Variants in ENTPD5 observed in about 807,000 individuals in gnomAD.
ENTPD5 encodes ectonucleoside triphosphate diphosphohydrolase 5 (inactive), also known as nucleoside diphosphate phosphatase ENTPD5.
A neutral mutation model predicts 60.2 loss-of-function variants in ENTPD5; 49 were observed. The observed-to-expected ratio is 0.81, with a 90% CI of 0.65 to 1.03. The LOEUF (loss-of-function observed/expected upper bound fraction) is 1.03. Ranked by LOEUF, ENTPD5 falls within the 50% of genes least tolerant of loss-of-function variation. ENTPD5 has a pLI of 0.00. For missense variants in ENTPD5, 480 were observed against 507.6 expected (o/e 0.95, Z 0.52); for synonymous variants, 187 against 185.4 (o/e 1.01, Z -0.07).
intron 15 of ENTPD5, among the ~76,000 whole-genome samples, chr14:73,967,530 G>A (rs1001262774): frequency 1.3e-5 from 2 of 152,184 alleles, no homozygotes; most frequent in African/African-American, 4.8e-5. Context: ...CATGGGGCCA[G>A]GCGCAGTGGC....
At chr14:73,955,983 T>C (rs755446823), downstream of ENTPD5, 13 of 1,609,628 alleles carry the variant, frequency 8.1e-6, 1 homozygote, top group Admixed American at 5.0e-5. Context: ...GCTTAGGACT[T>C]ACTGGAAGAA....
chr14:74,006,583 CT>C (rs753313229), intron 3 of ENTPD5, among the ~76,000 whole-genome samples: 653 of 140,726 alleles, frequency 4.6e-3, no homozygotes, highest in Middle Eastern at 7.4e-3. Flanking sequence ...ACACCCGGCC[CT>C]TTTTTTTTTT....
chr14:73,976,764 G>A (rs781129765), intron 8 of ENTPD5, among the ~76,000 whole-genome samples: 6 of 152,054 alleles, frequency 3.9e-5, no homozygotes, highest in Non-Finnish European at 8.8e-5. Context: ...ACACCACCAT[G>A]CCCAGCTATT....
intron 11 of ENTPD5, among the ~76,000 whole-genome samples, chr14:73,974,307 A>C (rs945915904): frequency 2.6e-5 from 4 of 152,212 alleles, no homozygotes; most frequent in Non-Finnish European, 5.9e-5. Flanking sequence ...ACAGGAAAGA[A>C]ATGCTATGCT....
chr14:73,982,492 C>A (rs1203651489), intron 6 of ENTPD5, among the ~76,000 whole-genome samples: 1 of 152,128 alleles, frequency 6.6e-6, no homozygotes, highest in African/African-American at 2.4e-5. Flanking sequence ...TGCAGCAGCT[C>A]ATGCCTGTAA....
intron 4 of ENTPD5, 80 bp from the exon 5 acceptor site, chr14:73,986,973 T>A: frequency 9.3e-7 from 1 of 1,074,392 alleles, no homozygotes; most frequent in Non-Finnish European, 1.4e-6. Flanking sequence ...GCTCTGTCTC[T>A]GTAAGTTTTC....
chr14:73,955,753 G>C, downstream of ENTPD5: 1 of 1,613,460 alleles, frequency 6.2e-7, no homozygotes, highest in African/African-American at 1.3e-5. Flanking sequence ...TTTCTGATTG[G>C]AGTGATGTTT....
At chr14:73,971,817 C>T in intron 14 of ENTPD5, 35 bp downstream of exon 14, 2 of 1,521,208 alleles carry the variant, frequency 1.3e-6, no homozygotes, top group Non-Finnish European at 1.8e-6. Flanking sequence ...GGCAGTCTCA[C>T]AGGCTTACCT....
At position 73,963,411 on chromosome 14, in the gene ENTPD5, G is replaced by C. The variant is rs1324428458; in HGVS notation, c.*3517C>G. Reference sequence around the variant, plus strand: ...GACTCGATGCATTTTTGTTAGAATTGCTGTTTAAATGTTAACATCAGAATG... The same window carrying C: ...GACTCGATGCATTTTTGTTAGAATTCCTGTTTAAATGTTAACATCAGAATG... On this transcript the variant is annotated 3_prime_UTR_variant, in exon 16 of 16. Transcript: ENST00000334696. 7.4e-6 allele frequency: 2 copies of C among 269,690 alleles called. No individual in the cohort carries two copies. Among genetic ancestry groups the C allele is most frequent in the Non-Finnish European group, 6.9e-6 (1 of 144,184 alleles). The allele number at this position is 269,690 out of a possible 1,614,324, so 16.7% of individuals were successfully genotyped here.
intron 2 of ENTPD5, among the ~76,000 whole-genome samples, chr14:74,015,385 G>C (rs1359618626): frequency 2.6e-5 from 3 of 116,772 alleles, no homozygotes; most frequent in Non-Finnish European, 4.9e-5. Flanking sequence ...TTGAGAAACA[G>C]TCACACCATT....
chr14:74,005,442 C>T (rs2058647930), intron 3 of ENTPD5, among the ~76,000 whole-genome samples: 2 of 151,696 alleles, frequency 1.3e-5, no homozygotes, highest in South Asian at 4.2e-4. Flanking sequence ...CTCAAGCAAT[C>T]CTCCACCTTG....
intron 6 of ENTPD5, among the ~76,000 whole-genome samples, chr14:73,978,739 C>T (rs934684145): frequency 6.6e-6 from 1 of 151,896 alleles, no homozygotes; most frequent in African/African-American, 2.4e-5. Flanking sequence ...GGTGAAAACC[C>T]ATCTATACTA....
rs2057764259 is a variant in ENTPD5, at chr14:73,983,218, G to T, written c.298-57C>A. On this transcript the variant is annotated intron_variant, in intron 5 of 15. Transcript: ENST00000334696. ...ACGATCCATTTAGTGGCTGGCACTG[G>T]TCTATTCTGTCAACATACTTTGTGG... 47 of 1,534,966 alleles carry T rather than the reference G, an allele frequency of 3.1e-5. 1 individual carries two copies. In the South Asian group the frequency reaches 5.5e-4, roughly 18 times the overall value.
chr14:73,961,812 T>TG (rs1319959189), downstream of ENTPD5: 1 of 1,614,182 alleles, frequency 6.2e-7, no homozygotes. Flanking sequence ...GCTACAGACT[T>TG]ACTAAAAAGG....
chr14:73,989,983 G>T (rs1428584175), intron 3 of ENTPD5, among the ~76,000 whole-genome samples: 1 of 151,862 alleles, frequency 6.6e-6, no homozygotes, highest in Non-Finnish European at 1.5e-5. Context: ...TTCCAGCTTG[G>T]GCAACAGAGC....
intron 2 of ENTPD5, among the ~76,000 whole-genome samples, chr14:74,012,576 C>G (rs1440212632): frequency 6.6e-6 from 1 of 152,160 alleles, no homozygotes; most frequent in African/African-American, 2.4e-5. Flanking sequence ...ACTCAAACAC[C>G]TACAGGCACC....
intron 3 of ENTPD5, among the ~76,000 whole-genome samples, chr14:73,995,181 C>T (rs2058296940): frequency 6.6e-6 from 1 of 151,486 alleles, no homozygotes; most frequent in Admixed American, 6.6e-5. Flanking sequence ...CCCAAGCAGC[C>T]AGGATTACAA....
chr14:73,974,908 A>G lies in ENTPD5; in HGVS notation c.784+16T>C. 1 of 1,608,708 alleles carries G rather than the reference A, an allele frequency of 6.2e-7. No homozygotes were observed. ...CACCCTCACCATCCCCCCCCAGCAC[A>G]GGTACCCAGACAAACCTTCTGTCTC... On this transcript the variant is annotated intron_variant, in intron 11 of 15. Coordinates refer to ENST00000334696, the MANE Select transcript of ENTPD5 (RefSeq NM_001249.5).
intron 14 of ENTPD5, among the ~76,000 whole-genome samples, chr14:73,970,373 T>G (rs2057171497): frequency 1.3e-5 from 2 of 152,024 alleles, no homozygotes. Context: ...ACCGCTGTAA[T>G]CCCAGCTACT....
Sources: allele counts gnomAD v4.1 joint callset (sites outside exome capture counted in the v4.1 genomes callset), GRCh38; gene constraint gnomAD v4.1.1; transcripts MANE v1.5; gene names NCBI Gene and HGNC (gene_info 2026-07-23, HGNC 2026-07-21).